The following IQCH variants were observed in gnomAD, a reference collection of about 807,000 sequenced individuals.
IQCH encodes IQ domain-containing protein H.
In IQCH, 98 loss-of-function variants were observed where a neutral mutation model predicts 117.0. The ratio of observed to expected loss-of-function variants is 0.84; its 90% CI spans 0.71 to 0.99. The LOEUF (loss-of-function observed/expected upper bound fraction) is 0.99, where lower values mean the gene tolerates loss of function less well. IQCH is among the 50% of genes least tolerant of loss of function. The pLI, the probability that IQCH is intolerant of heterozygous loss-of-function variation, is 0.00. For synonymous variants in IQCH, 412 were observed against 448.2 expected (o/e 0.92, Z 1.02); for missense variants, 1,102 against 1,243.8 (o/e 0.89, Z 1.72).
intron 6 of IQCH, among the ~76,000 whole-genome samples, chr15:67,348,011 G>A (rs1202976691): frequency 6.6e-6 from 1 of 151,246 alleles, no homozygotes; most frequent in Non-Finnish European, 1.5e-5. Flanking sequence ...GTCACCATAT[G>A]AATAGACTGA....
rs960712089 is a variant in IQCH at position 67,457,317 on chromosome 15, A to G, written c.2506-7810A>G. On this transcript the variant is annotated intron_variant, in intron 16 of 20. Transcript: ENST00000335894. The surrounding 1 kb of genome is among the most constrained non-coding windows in gnomAD (Gnocchi z 5.7). ...AGCATGAGGTGTGTTGTTTACCACAATGGAGAGCTCCATGCTGTCTGGAGA... is the reference window on the plus strand; with the variant it reads ...AGCATGAGGTGTGTTGTTTACCACAGTGGAGAGCTCCATGCTGTCTGGAGA... 3.3e-5 allele frequency among the ~76,000 whole-genome samples: 5 copies of G among 152,256 alleles called. No homozygotes were observed. The highest frequency in any genetic ancestry group is 1.5e-5 in the Non-Finnish European group (1 of 68,042).
chr15:67,327,090 G>C (rs1968445892), intron 4 of IQCH, among the ~76,000 whole-genome samples: 1 of 152,060 alleles, frequency 6.6e-6, no homozygotes, highest in Non-Finnish European at 1.5e-5. Flanking sequence ...TTGTTAAATG[G>C]AGGCTCGCTG....
In IQCH at chr15:67,404,790, G is replaced by C. The variant is rs962126863; in HGVS notation, c.2097+4485G>C. On this transcript the variant is annotated intron_variant, in intron 14 of 20. Transcript: ENST00000335894. The surrounding 1 kb of genome is among the most constrained non-coding windows in gnomAD (Gnocchi z 4.6). ...AGGCTATTCCCAGCTTTCATTTTTT[G>C]GCAGTGGGAGGAAAGAGGGAGGAAA... is the stretch of plus-strand genomic sequence containing the variant. The C allele has an allele frequency of 6.6e-6, 1 of 152,032 alleles. No homozygotes were observed. The highest frequency in any genetic ancestry group is 1.5e-5 in the Non-Finnish European group (1 of 67,994). The allele number at this position is 152,032 out of a possible 1,614,324, so 9.4% of individuals were successfully genotyped here.
At chr15:67,264,109 G>A (rs1596056094) in intron 3 of IQCH, among the ~76,000 whole-genome samples, 2 of 152,296 alleles carry the variant, frequency 1.3e-5, no homozygotes, top group South Asian at 4.1e-4. Context: ...CATTGGACCT[G>A]TCTCCCTTTC....
intron 4 of IQCH, among the ~76,000 whole-genome samples, chr15:67,283,663 A>G (rs1013366784): frequency 3.9e-5 from 6 of 152,038 alleles, no homozygotes; most frequent in South Asian, 2.1e-4. Flanking sequence ...AATTATAGCA[A>G]TTTTTCACTC....
At chr15:67,371,306 A>G (rs1363956035) in intron 8 of IQCH, 1 of 347,830 alleles carries the variant, frequency 2.9e-6, no homozygotes, top group African/African-American at 2.2e-5. Context: ...AACAAAAAAA[A>G]TTGCTCAGCA....
At chr15:67,394,128 A>G (rs1386992867) in intron 12 of IQCH, among the ~76,000 whole-genome samples, 1 of 152,052 alleles carries the variant, frequency 6.6e-6, no homozygotes, top group Non-Finnish European at 1.5e-5. Flanking sequence ...AGGGAGGAAA[A>G]CAATCTTGGA....
rs557081271 is a variant in IQCH, at chr15:67,388,619, T to C, written c.1457-212T>C. Reference sequence around the variant, plus strand: ...GGAATCATTGCATCTATTTCGTTGGTGGTGGTGTTATTTATATTTTCTTTA... The same window carrying C: ...GGAATCATTGCATCTATTTCGTTGGCGGTGGTGTTATTTATATTTTCTTTA... On this transcript the variant is annotated intron_variant, in intron 11 of 20. Transcript: ENST00000335894. The surrounding 1 kb of genome is among the most constrained non-coding windows in gnomAD (Gnocchi z 5.5). 6.6e-6 allele frequency among the ~76,000 whole-genome samples: 1 copy of C among 152,304 alleles called. No individual in the cohort carries two copies. Among genetic ancestry groups the C allele is most frequent in the Non-Finnish European group, 1.5e-5 (1 of 68,028 alleles).
chr15:67,281,072 C>T (rs1054815146), intron 4 of IQCH, among the ~76,000 whole-genome samples: 1 of 152,040 alleles, frequency 6.6e-6, no homozygotes, highest in African/African-American at 2.4e-5. Context: ...TCTTGAACTC[C>T]CGACCTCTTG....
At chr15:67,350,649 A>G (rs1190077686) in intron 6 of IQCH, among the ~76,000 whole-genome samples, 3 of 152,048 alleles carry the variant, frequency 2.0e-5, no homozygotes, top group African/African-American at 7.2e-5. Flanking sequence ...GATGGTCTCA[A>G]TCTCCTGACC....
chr15:67,435,511 G>A (rs190412365), intron 16 of IQCH, among the ~76,000 whole-genome samples: 5 of 152,124 alleles, frequency 3.3e-5, no homozygotes, highest in African/African-American at 1.2e-4. Context: ...TTGAACCAGG[G>A]AGGCAGAGGT....
intron 4 of IQCH, among the ~76,000 whole-genome samples, chr15:67,314,485 A>G (rs1596160768): frequency 2.2e-3 from 1 of 450 alleles, no homozygotes; most frequent in African/African-American, 3.0e-3. Flanking sequence ...GTGCTAAATG[A>G]AAAAAAAAAA....
At chr15:67,267,183 T>C (rs1965711477) in intron 3 of IQCH, among the ~76,000 whole-genome samples, 1 of 152,194 alleles carries the variant, frequency 6.6e-6, no homozygotes. Flanking sequence ...TAATTTCTTA[T>C]TTATTTCTTT....
At position 67,372,306 on chromosome 15, in the gene IQCH, G is replaced by A; in HGVS notation, c.949G>A (p.Val317Ile). The change falls in exon 9 of 21, where the codon GTC (valine) becomes ATC (isoleucine). Residue 317 changes from valine (V) to isoleucine (I), a missense_variant. Val to Ile is a conservative substitution (Grantham distance 29). This residue lies in a region of IQCH where 452 missense variants were observed against 449.6 expected (regional missense o/e 1.01). Coordinates refer to ENST00000335894, the MANE Select transcript of IQCH (RefSeq NM_001031715.3). ...KFLRNYAIPE[V>I]KIKGNNLVAL... is the part of the protein sequence containing the mutation. ...TCTCAGGAACTATGCTATACCAGAAGTCAAAATAAAAGGGAATAATTTGGT... is the reference window on the plus strand; with the variant it reads ...TCTCAGGAACTATGCTATACCAGAAATCAAAATAAAAGGGAATAATTTGGT... 6.2e-7 allele frequency: 1 copy of A among 1,614,042 alleles called. No individual in the cohort carries two copies. The highest frequency in any genetic ancestry group is 1.3e-5 in the African/African-American group (1 of 74,996).
intron 1 of IQCH, among the ~76,000 whole-genome samples, chr15:67,257,328 CTGAG>C (rs1396248304): frequency 2.0e-5 from 3 of 152,218 alleles, no homozygotes; most frequent in Non-Finnish European, 1.5e-5. Flanking sequence ...AAGTCAGTGA[CTGAG>C]TGAGTGTGTG....
intron 4 of IQCH, among the ~76,000 whole-genome samples, chr15:67,279,868 G>T (rs907634579): frequency 5.3e-5 from 8 of 152,114 alleles, no homozygotes; most frequent in Non-Finnish European, 8.8e-5. Context: ...CGGGCGTGGT[G>T]GTGGGCGCCT....
chr15:67,309,750 G>A (rs2140557340), intron 4 of IQCH, among the ~76,000 whole-genome samples: 1 of 151,856 alleles, frequency 6.6e-6, no homozygotes, highest in African/African-American at 2.4e-5. Flanking sequence ...AATGGGGGAA[G>A]CAAGATGGAG....
Position 67,384,012 on chromosome 15 carries a change from T to C in IQCH, c.1373-924T>C, listed in dbSNP as rs957439118. ...AAATGTGTGTCACATCTTGAAGATG[T>C]AGTATATAAAATCACTTTATCTAGA... On this transcript the variant is annotated intron_variant, in intron 10 of 20. Coordinates refer to ENST00000335894, the MANE Select transcript of IQCH (RefSeq NM_001031715.3). This position sits in a 1 kb window ranked among gnomAD's most constrained non-coding sequence, Gnocchi z 4.3. 6.6e-6 allele frequency among the ~76,000 whole-genome samples: 1 copy of C among 152,164 alleles called. No individual in the cohort carries two copies. The highest frequency in any genetic ancestry group is 1.5e-5 in the Non-Finnish European group (1 of 68,008).
intron 20 of IQCH, among the ~76,000 whole-genome samples, chr15:67,498,486 T>TG (rs2083886530): frequency 6.6e-6 from 1 of 151,776 alleles, no homozygotes; most frequent in African/African-American, 2.4e-5. Context: ...GCATGTGGCA[T>TG]GCACCTGTAA....
Sources: gnomAD v4.1 joint callset for allele counts (sites outside exome capture counted in the v4.1 genomes callset) on GRCh38, gnomAD v4.1.1 for gene constraint, gnomAD v4.1.1 regional missense constraint, Gnocchi (gnomAD v3.1) non-coding constraint, MANE v1.5 for transcripts, NCBI Gene and HGNC (gene_info 2026-07-23, HGNC 2026-07-21) for gene names.